The following PPME1 variants were observed in gnomAD, a reference collection of about 807,000 sequenced individuals.
The protein encoded by PPME1 is testicular secretory protein Li 39.
In PPME1, 17 loss-of-function variants were observed where a neutral mutation model predicts 56.9. The observed-to-expected ratio is 0.30, with a 90% CI of 0.20 to 0.45. The LOEUF is 0.45. Among genes scored for constraint, PPME1 ranks in the 20% least tolerant of loss-of-function variants. The pLI, the probability that PPME1 is intolerant of heterozygous loss-of-function variation, is 1.00. For synonymous variants in PPME1, 122 were observed against 156.2 expected (o/e 0.78, Z 1.63); for missense variants, 357 against 483.2 (o/e 0.74, Z 2.45).
chr11:74,204,263 C>A, intron 2 of PPME1, 90 bp from the exon 3 acceptor site: 1 of 979,298 alleles, frequency 1.0e-6, no homozygotes, highest in Non-Finnish European at 1.5e-6. Context: ...TGCAGTTTTG[C>A]ATGTAAGTTT....
Position 74,235,408 on chromosome 11 carries a change from C to A in PPME1, c.645-493C>A, listed in dbSNP as rs139618225. 5.9e-3 allele frequency among the ~76,000 whole-genome samples: 891 copies of A among 152,186 alleles called. 24 individuals carry two copies. The highest frequency in any genetic ancestry group is 0.037 in the East Asian group (193 of 5,178). On this transcript the variant is annotated intron_variant, in intron 7 of 13. Transcript: ENST00000328257. Reference sequence around the variant, plus strand: ...GCACCCAGTTCTCTAAAATCATTATCCTGCCGACTTTCACATCACAGCACC... The same window carrying A: ...GCACCCAGTTCTCTAAAATCATTATACTGCCGACTTTCACATCACAGCACC...
intron 7 of PPME1, 145 bp from the exon 8 acceptor site, chr11:74,235,756 A>G: frequency 7.8e-7 from 1 of 1,285,614 alleles, no homozygotes; most frequent in Admixed American, 2.4e-5. Flanking sequence ...GGTGAGTAAT[A>G]GTGGCAATCT....
At chr11:74,193,626 A>G (rs1333657414) in intron 1 of PPME1, among the ~76,000 whole-genome samples, 1 of 151,966 alleles carries the variant, frequency 6.6e-6, no homozygotes, top group Non-Finnish European at 1.5e-5. Context: ...TTTAAGACTT[A>G]TTTACTCTTC....
intron 1 of PPME1, among the ~76,000 whole-genome samples, chr11:74,201,662 A>C (rs1376241000): frequency 6.6e-6 from 1 of 152,196 alleles, no homozygotes; most frequent in Non-Finnish European, 1.5e-5. Flanking sequence ...CATCTGTTAA[A>C]TGGGCATAAA....
At chr11:74,202,551 C>A (rs763578613) in intron 1 of PPME1, among the ~76,000 whole-genome samples, 17 of 152,150 alleles carry the variant, frequency 1.1e-4, no homozygotes, top group Non-Finnish European at 2.1e-4. Flanking sequence ...TTCTCCATAG[C>A]ATATACAGGA....
At chr11:74,202,406 T>C (rs1038055286) in intron 1 of PPME1, among the ~76,000 whole-genome samples, 8 of 152,212 alleles carry the variant, frequency 5.3e-5, no homozygotes, top group African/African-American at 1.9e-4. Context: ...AGACATTCAA[T>C]AAATGTTTCA....
chr11:74,246,251 CA>C, intron 10 of PPME1, 46 bp downstream of exon 10: 1 of 1,487,918 alleles, frequency 6.7e-7, no homozygotes, highest in Non-Finnish European at 9.0e-7. Context: ...CTGCCATAAC[CA>C]AATATCATAG....
intron 3 of PPME1, among the ~76,000 whole-genome samples, chr11:74,221,217 CA>C (rs1858792651): frequency 6.6e-6 from 1 of 152,088 alleles, no homozygotes; most frequent in African/African-American, 2.4e-5. Context: ...AGCAATCAAG[CA>C]AATTCATACT....
intron 1 of PPME1, among the ~76,000 whole-genome samples, chr11:74,181,714 C>T (rs939107179): frequency 2.0e-5 from 3 of 152,184 alleles, no homozygotes; most frequent in East Asian, 1.9e-4. Flanking sequence ...CAGCTTGCAC[C>T]GATTTTTCTA....
At position 74,231,354 on chromosome 11, in the gene PPME1, T is replaced by C. The variant is rs377107625; in HGVS notation, c.644+352T>C. Among the ~76,000 whole-genome samples the C allele has an allele frequency of 4.6e-5, 7 of 152,246 alleles. No individual in the cohort carries two copies. In the East Asian group the frequency reaches 7.7e-4, roughly 17 times the overall value. ...CTGGCCTCAAGTAATCCTCCCACTT[T>C]AGCCTCCCAAAGTGTTGGGGTTGTG... On this transcript the variant is annotated intron_variant, in intron 7 of 13. Coordinates refer to ENST00000328257, the MANE Select transcript of PPME1 (RefSeq NM_016147.3).
At chr11:74,206,355 G>GT (rs1039447020) in intron 3 of PPME1, among the ~76,000 whole-genome samples, 6 of 151,932 alleles carry the variant, frequency 3.9e-5, no homozygotes, top group African/African-American at 9.7e-5. Context: ...TTTAAAGACT[G>GT]TTTTTTTCTT....
chr11:74,171,656 A>G, intron 1 of PPME1, 134 bp downstream of exon 1: 2 of 1,193,992 alleles, frequency 1.7e-6, no homozygotes, highest in Non-Finnish European at 2.3e-6. Context: ...AGATATTTAG[A>G]TGGAGTAGAA....
chr11:74,188,971 A>G (rs1280804476), intron 1 of PPME1, among the ~76,000 whole-genome samples: 1 of 152,266 alleles, frequency 6.6e-6, no homozygotes, highest in Non-Finnish European at 1.5e-5. Context: ...ATAAAACAAT[A>G]TATATTCAGG....
At chr11:74,242,878 CAAAAAAAAAAAAA>C (rs5792649) in intron 9 of PPME1, among the ~76,000 whole-genome samples, 1 of 61,372 alleles carries the variant, frequency 1.6e-5, no homozygotes, top group Admixed American at 2.0e-4. Context: ...GACTCTGTCT[CAAAAAAAAAAAAA>C]AAAAAAAAAA....
At chr11:74,182,204 T>A (rs570964192) in intron 1 of PPME1, among the ~76,000 whole-genome samples, 1 of 152,322 alleles carries the variant, frequency 6.6e-6, no homozygotes, top group South Asian at 2.1e-4. Context: ...TATTTTTTTT[T>A]AAATGTAGAT....
At chr11:74,179,322 T>C (rs1349146400) in intron 1 of PPME1, among the ~76,000 whole-genome samples, 1 of 152,138 alleles carries the variant, frequency 6.6e-6, no homozygotes, top group Non-Finnish European at 1.5e-5. Context: ...AGGAAAAACT[T>C]GTCTGTACTA....
At chr11:74,222,191 CTT>C (rs1405859589) in intron 3 of PPME1, 119 bp from the exon 4 acceptor site, 12 of 722,752 alleles carry the variant, frequency 1.7e-5, no homozygotes, top group Non-Finnish European at 2.3e-5. Flanking sequence ...ACTAGAAAGT[CTT>C]TTGATTCTCT....
chr11:74,222,451 A>T (rs1040907240), intron 4 of PPME1, 82 bp downstream of exon 4: 2 of 1,229,412 alleles, frequency 1.6e-6, no homozygotes, highest in African/African-American at 1.5e-5. Context: ...AGAAATTTCA[A>T]CGTGGCCATA....
intron 1 of PPME1, among the ~76,000 whole-genome samples, chr11:74,172,470 A>G (rs1857285736): frequency 6.6e-6 from 1 of 152,192 alleles, no homozygotes; most frequent in South Asian, 2.1e-4. Flanking sequence ...GATCTGAGGG[A>G]AGCGACGTAC....
Sources: allele counts gnomAD v4.1 joint callset (sites outside exome capture counted in the v4.1 genomes callset), GRCh38; gene constraint gnomAD v4.1.1; transcripts MANE v1.5; gene names NCBI Gene and HGNC (gene_info 2026-07-23, HGNC 2026-07-21).